KANSL1: variants seen among roughly 807,000 people sequenced by gnomAD.
KANSL1 encodes KAT8 regulatory NSL complex subunit 1.
KANSL1 carries 22 observed loss-of-function variants against 103.6 expected under a neutral mutation model. That is an observed-to-expected ratio of 0.21 (90% CI 0.15 to 0.30). The LOEUF (loss-of-function observed/expected upper bound fraction) is 0.30. KANSL1 is among the 10% of genes least tolerant of loss of function. The probability of loss-of-function intolerance (pLI) is 1.00; values close to 1 mark genes in which losing one functional copy is unlikely to be tolerated. For missense variants in KANSL1, 1,337 were observed against 1,399.8 expected, an observed-to-expected ratio of 0.96 and a Z score of 0.72; for synonymous variants, 600 against 527.6, an observed-to-expected ratio of 1.14 and a Z score of -1.88.
intron 2 of KANSL1, among the ~76,000 whole-genome samples, chr17:46,137,047 G>A (rs1292799213): frequency 5.3e-5 from 8 of 152,340 alleles, no homozygotes; most frequent in African/African-American, 1.9e-4. Context: ...TGGGGTGAGT[G>A]TAGGGCACAG....
intron 6 of KANSL1, among the ~76,000 whole-genome samples, chr17:46,059,390 G>A (rs943201101): frequency 1.1e-4 from 16 of 152,020 alleles, no homozygotes; most frequent in Admixed American, 3.3e-4. Context: ...AGGCTGAGGC[G>A]GGCAGACCAC....
At chr17:46,083,444 A>G (rs2079051847) in intron 3 of KANSL1, among the ~76,000 whole-genome samples, 1 of 152,146 alleles carries the variant, frequency 6.6e-6, no homozygotes, top group Non-Finnish European at 1.5e-5. Context: ...TCACCTGGGG[A>G]ACCTTATCAA....
At position 46,039,178 on chromosome 17, in the gene KANSL1, G is replaced by C; in HGVS notation, c.2241C>G (p.His747Gln). The C allele has an allele frequency of 6.2e-7, 1 of 1,602,854 alleles. No individual in the cohort carries two copies. The highest frequency in any genetic ancestry group is 8.5e-7 in the Non-Finnish European group (1 of 1,176,288). ...SHHQTRPDRT[H>Q]RQHLDDVGAV... Reference sequence around the variant, plus strand: ...CCCCCACATCGTCTAAGTGCTGCCTGTGGGTCCTGTCAGGCCGGGTTTGGT... The same window carrying C: ...CCCCCACATCGTCTAAGTGCTGCCTCTGGGTCCTGTCAGGCCGGGTTTGGT... Residue 747 changes from histidine to glutamine, a missense_variant, in exon 9 of 15, where the codon CAC (histidine) becomes CAG (glutamine). Physicochemically the swap from His to Gln is conservative, Grantham distance 24 (BLOSUM62 0). Transcript: ENST00000432791.
intron 6 of KANSL1, among the ~76,000 whole-genome samples, chr17:46,059,267 G>A (rs898655631): frequency 2.0e-5 from 3 of 152,036 alleles, no homozygotes; most frequent in African/African-American, 7.3e-5. Flanking sequence ...CTCTGAAAAG[G>A]GCAGAGATGT....
chr17:46,074,242 A>G (rs2078678974), intron 4 of KANSL1, among the ~76,000 whole-genome samples: 1 of 152,226 alleles, frequency 6.6e-6, no homozygotes, highest in African/African-American at 2.4e-5. Context: ...AATCTGAAAG[A>G]GCGCCCAATA....
intron 2 of KANSL1, among the ~76,000 whole-genome samples, chr17:46,143,364 G>C (rs2044520074): frequency 6.6e-6 from 1 of 152,158 alleles, no homozygotes; most frequent in Admixed American, 6.5e-5. Context: ...TGTGGTGGCA[G>C]GCGCCTATAA....
intron 7 of KANSL1, chr17:46,049,919 C>CA (rs1036451005): frequency 6.8e-6 from 1 of 146,356 alleles, no homozygotes; most frequent in African/African-American, 2.5e-5. Context: ...ACAGACAAAA[C>CA]TTTTTTTTTT....
chr17:46,070,084 T>A (rs2146691309), intron 4 of KANSL1, among the ~76,000 whole-genome samples: 1 of 152,314 alleles, frequency 6.6e-6, no homozygotes, highest in East Asian at 1.9e-4. Flanking sequence ...TCCTATCTTC[T>A]GACAAAATAT....
At chr17:46,104,656 G>A (rs2042455500) in intron 2 of KANSL1, among the ~76,000 whole-genome samples, 1 of 152,176 alleles carries the variant, frequency 6.6e-6, no homozygotes, top group Non-Finnish European at 1.5e-5. Flanking sequence ...ATTCTCAAAT[G>A]TTTATATTTT....
chr17:46,125,026 G>GGGGAGGTAGGGA, intron 2 of KANSL1, among the ~76,000 whole-genome samples: 1 of 83,678 alleles, frequency 1.2e-5, no homozygotes, highest in East Asian at 2.7e-4. Context: ...AGGGAAGGGA[G>GGGGAGGTAGGGA]GGGAGGTAGG....
At chr17:46,054,802 T>A (rs2077857207) in intron 6 of KANSL1, among the ~76,000 whole-genome samples, 1 of 152,040 alleles carries the variant, frequency 6.6e-6, no homozygotes. Context: ...ACTAATTCCA[T>A]GGTCATTCTC....
chr17:46,183,263 C>G (rs1289772910), intron 1 of KANSL1, among the ~76,000 whole-genome samples: 2 of 151,110 alleles, frequency 1.3e-5, no homozygotes, highest in Non-Finnish European at 2.9e-5. Context: ...AAAAGCCACC[C>G]AAACAAAAAC....
At chr17:46,079,333 G>GTA (rs112538249) in intron 4 of KANSL1, among the ~76,000 whole-genome samples, 106 of 152,308 alleles carry the variant, frequency 7.0e-4, no homozygotes, top group African/African-American at 2.4e-3. Flanking sequence ...AAAAGACTAT[G>GTA]TATCCTTGCA....
chr17:46,220,836 G>A (rs1361132521), intron 1 of KANSL1, among the ~76,000 whole-genome samples: 2 of 152,134 alleles, frequency 1.3e-5, no homozygotes, highest in East Asian at 1.9e-4. Context: ...ACAGGTGTGT[G>A]CCACCATGCC....
chr17:46,120,534 C>T (rs141547126), intron 2 of KANSL1, among the ~76,000 whole-genome samples: 21 of 152,240 alleles, frequency 1.4e-4, no homozygotes, highest in African/African-American at 5.1e-4. Context: ...AGTCAACATG[C>T]TGTCACTAAA....
chr17:46,214,655 C>CA lies in KANSL1; in HGVS notation c.-90+9015dup, dbSNP rs35634348. On this transcript the variant is annotated intron_variant, in intron 1 of 14. Transcript: ENST00000572904. ...GGCAACAAAGAGCGAAATTCCGTCT[C>CA]AAAAAAAAAAGAAACAAAAACAGCA... Among the ~76,000 whole-genome samples the CA allele has an allele frequency of 6.1e-4, 90 of 147,972 alleles. No homozygotes were observed. In the East Asian group the frequency reaches 9.7e-3, roughly 16 times the overall value.
intron 1 of KANSL1, among the ~76,000 whole-genome samples, chr17:46,184,227 A>G (rs2046917965): frequency 6.6e-6 from 1 of 152,200 alleles, no homozygotes; most frequent in Non-Finnish European, 1.5e-5. Context: ...AAGATGACAT[A>G]CTGACTGAAT....
At chr17:46,184,743 C>A (rs2147860400) in intron 1 of KANSL1, among the ~76,000 whole-genome samples, 1 of 152,238 alleles carries the variant, frequency 6.6e-6, no homozygotes, top group Middle Eastern at 3.4e-3. Flanking sequence ...TCCCTCTAGG[C>A]TCTTACCTGC....
intron 1 of KANSL1, among the ~76,000 whole-genome samples, chr17:46,212,106 C>T (rs1433642672): frequency 6.6e-6 from 1 of 151,940 alleles, no homozygotes; most frequent in Non-Finnish European, 1.5e-5. Flanking sequence ...TATATACATA[C>T]ATATTATACT....
Sources: gnomAD v4.1 joint callset for allele counts (sites outside exome capture counted in the v4.1 genomes callset) on GRCh38, gnomAD v4.1.1 for gene constraint, MANE v1.5 for transcripts, NCBI Gene and HGNC (gene_info 2026-07-23, HGNC 2026-07-21) for gene names.